IKBKG: variants seen among roughly 807,000 people sequenced by gnomAD.
IKBKG encodes NF-kappa-B essential modulator.
Under a neutral mutation model 13.7 loss-of-function variants are expected in IKBKG, and 2 were observed. The ratio of observed to expected loss-of-function variants is 0.15; its 90% CI spans 0.06 to 0.46. IKBKG has a LOEUF of 0.46. Among genes scored for constraint, IKBKG ranks in the 20% least tolerant of loss-of-function variants. IKBKG has a pLI of 0.98. For missense variants in IKBKG, 53 were observed against 150.3 expected (o/e 0.35, Z 3.39); for synonymous variants, 22 against 64.4 (o/e 0.34, Z 3.15).
upstream of IKBKG, chrX:154,542,436 C>G: frequency 1.7e-6 from 2 of 1,186,926 alleles, no homozygotes; most frequent in South Asian, 1.9e-5. Context: ...AAGGCCAGAG[C>G]TTTCTGGAAG....
intron 2 of IKBKG, 50 bp downstream of exon 2, chrX:154,552,239 T>TC: frequency 9.5e-7 from 1 of 1,053,177 alleles, no homozygotes; most frequent in Non-Finnish European, 1.3e-6. Flanking sequence ...AGGCGTCTTC[T>TC]CCCCACCTGC....
upstream of IKBKG, chrX:154,546,133 C>G: frequency 8.3e-7 from 1 of 1,212,064 alleles, no homozygotes; most frequent in African/African-American, 1.7e-5. Context: ...CTGGGTCCGG[C>G]TCAGGGCCAC....
intron 2 of IKBKG, among the ~76,000 whole-genome samples, chrX:154,553,362 A>G (rs2070985878): frequency 8.9e-6 from 1 of 112,713 alleles, no homozygotes; most frequent in South Asian, 3.6e-4. Flanking sequence ...CTCTGTGCTG[A>G]CAAGTCACAT....
intron 2 of IKBKG, among the ~76,000 whole-genome samples, chrX:154,553,216 T>C (rs140446617): frequency 0.02 from 2,287 of 112,387 alleles, 24 homozygotes; most frequent in Middle Eastern, 0.12. Flanking sequence ...GCTGGCAGCT[T>C]CAATTGGCTC....
intron 2 of IKBKG, among the ~76,000 whole-genome samples, chrX:154,553,781 C>T (rs1274759665): frequency 8.9e-6 from 1 of 112,792 alleles, no homozygotes; most frequent in Non-Finnish European, 1.9e-5. Flanking sequence ...CTGGGGGATA[C>T]AGTTGTCCCT....
At chrX:154,544,381 C>T (rs1450738789), upstream of IKBKG, among the ~76,000 whole-genome samples, 6 of 110,761 alleles carry the variant, frequency 5.4e-5, no homozygotes, top group Non-Finnish European at 9.4e-5. Context: ...AGGATGGTCT[C>T]GATCTCTTGA....
At position 154,541,987 on chromosome X, in the gene IKBKG, C is replaced by G. The variant is rs782137502; in HGVS notation, c.-186-295C>G. Among the ~76,000 whole-genome samples the G allele has an allele frequency of 6.2e-5, 7 of 112,064 alleles. No homozygotes were observed. In the South Asian group the frequency reaches 2.6e-3, roughly 42 times the overall value. On this transcript the variant is annotated intron_variant, in intron 1 of 10. Transcript: ENST00000422680. ...GTGGAGCCCTGGGCCTTGGCAGGGGCCCAGCTGGTTCCTGGCCACTGGGGC... is the reference window on the plus strand; with the variant it reads ...GTGGAGCCCTGGGCCTTGGCAGGGGGCCAGCTGGTTCCTGGCCACTGGGGC...
At chrX:154,545,781 G>A (rs1199672801), upstream of IKBKG, 2 of 329,247 alleles carry the variant, frequency 6.1e-6, no homozygotes, top group Non-Finnish European at 1.1e-5. Context: ...GTTGCAGTGA[G>A]CCAAGATGGC....
chrX:154,547,706 C>T lies in IKBKG; in HGVS notation c.-55C>T, dbSNP rs2070790041. On this transcript the variant is annotated 5_prime_UTR_variant, in exon 1 of 10. Coordinates refer to ENST00000594239, the MANE Select transcript of IKBKG (RefSeq NM_001099857.5). ...GGCCCTACCAGCGTTCACAGTCCGC[C>T]GCTCCCACCCTTCTCACGTCTGACG... is the stretch of plus-strand genomic sequence containing the variant. The T allele has an allele frequency of 1.6e-5, 12 of 754,105 alleles. No individual in the cohort carries two copies. Among genetic ancestry groups the T allele is most frequent in the Non-Finnish European group, 1.7e-5 (11 of 639,324 alleles). 62.1% of individuals were successfully genotyped at this position (754,105 alleles called of 1,213,427 possible).
At chrX:154,553,016 C>T (rs782797041) in intron 2 of IKBKG, among the ~76,000 whole-genome samples, 12 of 112,612 alleles carry the variant, frequency 1.1e-4, no homozygotes, top group Non-Finnish European at 2.1e-4. Flanking sequence ...CTTTCTGCTG[C>T]GGGGGCCTTC....
intron 2 of IKBKG, among the ~76,000 whole-genome samples, chrX:154,554,584 C>A (rs1466604418): frequency 1.8e-5 from 2 of 111,176 alleles, no homozygotes; most frequent in African/African-American, 6.6e-5. Flanking sequence ...CATGGTGAAA[C>A]CCCATCTCTA....
At chrX:154,546,012 G>C (rs1434829180), upstream of IKBKG, 4 of 1,207,282 alleles carry the variant, frequency 3.3e-6, no homozygotes, top group Non-Finnish European at 4.5e-6. Flanking sequence ...TGGCTTTTAA[G>C]ATTGGGGCCT....
Position 154,547,992 on chromosome X carries a change from C to T in IKBKG, c.-16+247C>T, listed in dbSNP as rs1459622178. ...GACCCTACTCCTTGTGTGAGGACTC[C>T]TCTAGTTCAGAGACATATTCTGTTC... On this transcript the variant is annotated intron_variant, in intron 1 of 9. Transcript: ENST00000594239. 2.0e-5 allele frequency: 15 copies of T among 753,754 alleles called. No individual in the cohort carries two copies. In the East Asian group the frequency reaches 6.0e-4, roughly 30 times the overall value. 62.1% of individuals were successfully genotyped at this position (753,754 alleles called of 1,213,427 possible).
exon 2 of IKBKG, chrX:154,542,311 G>A (rs1557232107): frequency 8.5e-7 from 1 of 1,177,505 alleles, no homozygotes; most frequent in Admixed American, 2.5e-5. Flanking sequence ...GAGAAGTGAG[G>A]ACCCCGCAGA....
At chrX:154,555,481 A>G in intron 2 of IKBKG, among the ~76,000 whole-genome samples, 1 of 112,992 alleles carries the variant, frequency 8.9e-6, no homozygotes, top group Non-Finnish European at 1.9e-5. Context: ...CCGAGGTGGG[A>G]GGATTGCTTG....
upstream of IKBKG, among the ~76,000 whole-genome samples, chrX:154,545,378 G>C (rs1335068117): frequency 5.4e-5 from 6 of 111,980 alleles, no homozygotes; most frequent in African/African-American, 1.9e-4. Flanking sequence ...TCAGGCCTCA[G>C]ATCCTGCCTT....
upstream of IKBKG, chrX:154,547,361 A>T: frequency 2.7e-6 from 2 of 754,449 alleles, no homozygotes; most frequent in Non-Finnish European, 3.1e-6. Flanking sequence ...CCTCCCCCGG[A>T]GAGGGCGGGG....
upstream of IKBKG, among the ~76,000 whole-genome samples, chrX:154,545,156 C>T (rs782631466): frequency 9.0e-6 from 1 of 111,431 alleles, no homozygotes; most frequent in African/African-American, 3.3e-5. Context: ...ACCACCCCTC[C>T]CTCCCCTCCC....
intron 2 of IKBKG, among the ~76,000 whole-genome samples, chrX:154,555,078 C>T (rs2071026470): frequency 2.7e-5 from 3 of 111,422 alleles, no homozygotes; most frequent in Non-Finnish European, 5.7e-5. Flanking sequence ...GGAGGACCAG[C>T]GGTTTTTCCC....
Sources: gnomAD v4.1 joint callset for allele counts (sites outside exome capture counted in the v4.1 genomes callset) on GRCh38, gnomAD v4.1.1 for gene constraint, MANE v1.5 for transcripts, NCBI Gene and HGNC (gene_info 2026-07-23, HGNC 2026-07-21) for gene names.